Variants in ALOX15B observed in about 807,000 individuals in gnomAD.
ALOX15B encodes polyunsaturated fatty acid lipoxygenase ALOX15B.
ALOX15B carries 74 observed loss-of-function variants against 73.8 expected under a neutral mutation model. The observed-to-expected ratio is 1.00, with a 90% confidence interval of 0.83 to 1.22. The LOEUF (loss-of-function observed/expected upper bound fraction) is 1.22, where lower values mean the gene tolerates loss of function less well. Among genes scored for constraint, ALOX15B ranks in the 50% most tolerant of loss-of-function variants. The pLI, the probability that ALOX15B is intolerant of heterozygous loss-of-function variation, is 0.00. For synonymous variants in ALOX15B, 353 were observed against 357.2 expected, an observed-to-expected ratio of 0.99 and a Z score of 0.13; for missense variants, 896 against 859.9, an observed-to-expected ratio of 1.04 and a Z score of -0.52.
At position 8,048,788 on chromosome 17, in the gene ALOX15B, C is replaced by T. The variant is rs563191814; in HGVS notation, c.*223C>T. ...ATCTACCAAGAACAGAGTCTCAGGA[C>T]AGAACCACTGAGTCTTTTGGAGGCT... On this transcript the variant is annotated 3_prime_UTR_variant, in exon 14 of 14. Coordinates refer to ENST00000380183, the MANE Select transcript of ALOX15B (RefSeq NM_001141.3). 6.0e-6 allele frequency: 3 copies of T among 499,748 alleles called. No homozygotes were observed. Among genetic ancestry groups the T allele is most frequent in the Admixed American group, 3.5e-5 (1 of 28,632 alleles). The allele number at this position is 499,748 out of a possible 1,614,324, so 31.0% of individuals were successfully genotyped here. A position where few individuals can be genotyped will look rare whatever the true frequency, so the allele number is the denominator to read the frequency against.
rs752774860 is a variant in ALOX15B at position 8,046,981 on chromosome 17, G to A, written c.1362G>A (p.Leu454=). The A allele has an allele frequency of 6.2e-7, 1 of 1,614,036 alleles. No homozygotes were observed. Among genetic ancestry groups the A allele is most frequent in the African/African-American group, 1.3e-5 (1 of 74,888 alleles). ...RNMKQLNYSL[L]CLPEDIRTRG... Reference sequence around the variant, plus strand: ...TGAAGCAGCTGAACTATTCTCTCCTGTGTCTGCCTGAGGATATCCGGACCC... The same window carrying A: ...TGAAGCAGCTGAACTATTCTCTCCTATGTCTGCCTGAGGATATCCGGACCC... Residue 454 remains leucine, a synonymous_variant, in exon 10 of 14, where the codon CTG becomes CTA. Transcript: ENST00000380183.
chr17:8,047,913 C>T lies in ALOX15B; in HGVS notation c.1849C>T (p.Gln617Ter). Reference sequence around the variant, plus strand: ...GTTGCTGAGCAAGGAGCCTGGAGACCAAGTGAGTGTGGGGCTGGGGGCCAG... The same window carrying T: ...GTTGCTGAGCAAGGAGCCTGGAGACTAAGTGAGTGTGGGGCTGGGGGCCAG... ...LWLLSKEPGD[Q>*]RPLGTYPDEH... Residue 617 changes from glutamine to a stop codon, truncating the protein, a stop_gained and splice_region_variant, in exon 13 of 14, where the codon CAA becomes TAA. Coordinates refer to ENST00000380183, the MANE Select transcript of ALOX15B (RefSeq NM_001141.3). LOFTEE classifies it low-confidence loss of function (END_TRUNC). 6.2e-7 allele frequency: 1 copy of T among 1,613,954 alleles called. No homozygotes were observed. Among genetic ancestry groups the T allele is most frequent in the Non-Finnish European group, 8.5e-7 (1 of 1,179,934 alleles).
chr17:8,043,319 T>C (rs1160917330), intron 5 of ALOX15B, among the ~76,000 whole-genome samples: 1 of 152,126 alleles, frequency 6.6e-6, no homozygotes, highest in African/African-American at 2.4e-5. Flanking sequence ...GACCTCAAAG[T>C]TCAGTAGGCC....
In ALOX15B at chr17:8,047,342, G is replaced by C. The variant is rs1028075243; in HGVS notation, c.1542G>C (p.Glu514Asp). Reference sequence around the variant, plus strand: ...GAGAGCTCCAGGCCTGGGTCAGAGAGATCTTCTCCAAGGGCTTCCTAAACC... The same window carrying C: ...GAGAGCTCCAGGCCTGGGTCAGAGACATCTTCTCCAAGGGCTTCCTAAACC... ...DDRELQAWVR[E>D]IFSKGFLNQE... The change falls in exon 11 of 14, where the codon GAG becomes GAC. Residue 514 changes from glutamate to aspartate, a missense_variant. Physicochemically the swap from Glu to Asp is conservative, Grantham distance 45. Transcript: ENST00000380183. 1 of 1,614,126 alleles carries C rather than the reference G, an allele frequency of 6.2e-7. No homozygotes were observed. Among genetic ancestry groups the C allele is most frequent in the African/African-American group, 1.3e-5 (1 of 75,024 alleles).
Position 8,044,997 on chromosome 17 carries a change from T to C in ALOX15B, c.845T>C (p.Leu282Pro), listed in dbSNP as rs1475584627. ...LGPGTSLQAE[L>P]EKGSLFLVDH... Reference sequence around the variant, plus strand: ...CCTGGGACCAGCTTGCAGGCTGAGCTAGAGGTGAGGGGTGCAGGGATCTTG... The same window carrying C: ...CCTGGGACCAGCTTGCAGGCTGAGCCAGAGGTGAGGGGTGCAGGGATCTTG... Residue 282 changes from leucine to proline, a missense_variant, in exon 6 of 14, where the codon CTA becomes CCA. By Grantham distance (98) the Leu-to-Pro change is moderately conservative. Transcript: ENST00000380183. The C allele has an allele frequency of 8.1e-6, 13 of 1,613,982 alleles. No homozygotes were observed. The highest frequency in any genetic ancestry group is 1.1e-5 in the Non-Finnish European group (13 of 1,180,008).
Position 8,045,508 on chromosome 17 carries a change from G to A in ALOX15B, c.1022G>A (p.Ser341Asn), listed in dbSNP as rs967977276. Residue 341 changes from serine to asparagine, a missense_variant, in exon 8 of 14, where the codon AGC becomes AAC. Coordinates refer to ENST00000380183, the MANE Select transcript of ALOX15B (RefSeq NM_001141.3). ...IQLSQTPGPN[S>N]PIFLPTDDKW... ...CTCAGCCAGACCCCCGGCCCAAACA[G>A]CCCCATCTTCCTGCCCACTGATGAC... 1.2e-6 allele frequency: 2 copies of A among 1,614,072 alleles called. No homozygotes were observed. The highest frequency in any genetic ancestry group is 1.3e-5 in the African/African-American group (1 of 74,990).
Position 8,039,096 on chromosome 17 carries a change from AG to A in ALOX15B, c.-54del. ...CAGGGGCAATAACCAGGCGTGTCCC[AG>A]GGGGGAGCCCCGCTCTGCAGCCCTG... On this transcript the variant is annotated 5_prime_UTR_variant, in exon 1 of 14. Transcript: ENST00000380183. 2.6e-6 allele frequency: 4 copies of A among 1,565,864 alleles called. No individual in the cohort carries two copies. Among genetic ancestry groups the A allele is most frequent in the Admixed American group, 1.9e-5 (1 of 52,402 alleles).
chr17:8,044,766 C>A, intron 5 of ALOX15B, 63 bp from the exon 6 acceptor site: 28 of 408,760 alleles, frequency 6.8e-5, no homozygotes, highest in Non-Finnish European at 1.0e-4. Flanking sequence ...GTCCCCGTGT[C>A]CCCCACCCCC....
chr17:8,045,388 T>C lies in ALOX15B; in HGVS notation c.996+4T>C. 6.2e-7 allele frequency: 1 copy of C among 1,614,030 alleles called. No homozygotes were observed. The highest frequency in any genetic ancestry group is 1.6e-4 in the Middle Eastern group (1 of 6,062). ...GCTGCTGCCTCTCGCCATCCAGGTA[T>C]GCAGTCAGGCAGGGGCAGGGCAGCG... On this transcript the variant is annotated splice_donor_region_variant and intron_variant, in intron 7 of 13. Coordinates refer to ENST00000380183, the MANE Select transcript of ALOX15B (RefSeq NM_001141.3).
intron 8 of ALOX15B, 39 bp downstream of exon 8, chr17:8,045,725 C>A (rs887687711): frequency 1.3e-5 from 20 of 1,598,662 alleles, no homozygotes; most frequent in African/African-American, 6.7e-5. Flanking sequence ...TGTGCCCATG[C>A]CTCTGTGCCT....
At chr17:8,047,466 C>T (rs910971449) in intron 11 of ALOX15B, 87 bp downstream of exon 11, 61 of 1,588,828 alleles carry the variant, frequency 3.8e-5, no homozygotes, top group African/African-American at 6.7e-5. Flanking sequence ...TGAGTGGCCC[C>T]GTCCCCGTGT....
intron 4 of ALOX15B, 35 bp downstream of exon 4, chr17:8,042,526 C>G: frequency 6.2e-7 from 1 of 1,608,534 alleles, no homozygotes; most frequent in Non-Finnish European, 8.5e-7. Flanking sequence ...CCCTGGGCCT[C>G]AGATGCCCTA....
Position 8,047,571 on chromosome 17 carries a change from C to G in ALOX15B, c.1587C>G (p.Pro529=). 6.2e-7 allele frequency: 1 copy of G among 1,603,724 alleles called. No individual in the cohort carries two copies. The highest frequency in any genetic ancestry group is 8.5e-7 in the Non-Finnish European group (1 of 1,175,128). The change falls in exon 12 of 14, where the codon CCC becomes CCG. Residue 529 remains proline (P), a synonymous_variant. Transcript: ENST00000380183. The part of the protein sequence containing the change: ...GFLNQESSGI[P]SSLETREALV... The stretch of plus-strand genomic sequence containing the variant: ...GCCCAGCTCTCCTTGCAGGTATACC[C>G]TCCTCACTGGAGACCCGGGAAGCCC...
At chr17:8,048,039 C>A in intron 13 of ALOX15B, 124 bp downstream of exon 13, 1 of 1,138,036 alleles carries the variant, frequency 8.8e-7, no homozygotes, top group Admixed American at 2.5e-5. Flanking sequence ...ACTGACCCTC[C>A]AGTGGGACAC....
chr17:8,042,295 C>T (rs1422876141), intron 3 of ALOX15B, 74 bp from the exon 4 acceptor site: 33 of 1,568,354 alleles, frequency 2.1e-5, no homozygotes, highest in Non-Finnish European at 2.9e-5. Context: ...CCCAAGGGGA[C>T]TGCCACTCCA....
At position 8,047,842 on chromosome 17, in the gene ALOX15B, C is replaced by T; in HGVS notation, c.1778C>T (p.Thr593Ile). The change falls in exon 13 of 14, where the codon ACC (threonine) becomes ATC (isoleucine). Residue 593 changes from threonine (T) to isoleucine (I), a missense_variant. Coordinates refer to ENST00000380183, the MANE Select transcript of ALOX15B (RefSeq NM_001141.3). Reference protein sequence around the residue: ...GLATCEGFIATLPPVNATCDV... With the variant: ...GLATCEGFIAILPPVNATCDV... ...GCAACATGCGAGGGCTTCATAGCCA[C>T]CCTCCCACCTGTCAATGCCACATGT... 1 of 1,614,206 alleles carries T rather than the reference C, an allele frequency of 6.2e-7. No individual in the cohort carries two copies. The highest frequency in any genetic ancestry group is 8.5e-7 in the Non-Finnish European group (1 of 1,180,040).
intron 1 of ALOX15B, 32 bp from the exon 2 acceptor site, chr17:8,039,354 T>C: frequency 6.3e-7 from 1 of 1,599,864 alleles, no homozygotes; most frequent in Non-Finnish European, 8.5e-7. Flanking sequence ...AGCAGGAGGG[T>C]CCGGCCTGAC....
chr17:8,048,575 G>T lies in ALOX15B; in HGVS notation c.*10G>T. 1 of 1,611,938 alleles carries T rather than the reference G, an allele frequency of 6.2e-7. No homozygotes were observed. Among genetic ancestry groups the T allele is most frequent in the Non-Finnish European group, 8.5e-7 (1 of 1,178,734 alleles). On this transcript the variant is annotated 3_prime_UTR_variant, in exon 14 of 14. Coordinates refer to ENST00000380183, the MANE Select transcript of ALOX15B (RefSeq NM_001141.3). ...CAGCGTCTCCATCTAAATCCCAGGGGAACACAGGCCCAGATGACATCCCTT... is the reference window on the plus strand; with the variant it reads ...CAGCGTCTCCATCTAAATCCCAGGGTAACACAGGCCCAGATGACATCCCTT...
chr17:8,046,162 A>G (rs1227074577), intron 8 of ALOX15B, among the ~76,000 whole-genome samples: 1 of 152,196 alleles, frequency 6.6e-6, no homozygotes, highest in Admixed American at 6.5e-5. Flanking sequence ...CCCAGGGTCC[A>G]CCCACAGTCG....
Sources: allele counts gnomAD v4.1 joint callset (sites outside exome capture counted in the v4.1 genomes callset), GRCh38; gene constraint gnomAD v4.1.1; transcripts MANE v1.5; gene names NCBI Gene and HGNC (gene_info 2026-07-23, HGNC 2026-07-21).